Variants in FZD3 observed in about 807,000 individuals in gnomAD.
FZD3 encodes frizzled-3.
A neutral mutation model predicts 60.7 loss-of-function variants in FZD3; 30 were observed. The observed-to-expected ratio is 0.49, with a 90% CI of 0.37 to 0.67. The LOEUF is 0.67. FZD3 is among the 30% of genes least tolerant of loss of function. The pLI, the probability that FZD3 is intolerant of heterozygous loss-of-function variation, is 0.00. For missense variants in FZD3, 605 were observed against 838.7 expected (o/e 0.72, Z 3.44); for synonymous variants, 246 against 275.2 (o/e 0.89, Z 1.05).
intron 1 of FZD3, among the ~76,000 whole-genome samples, chr8:28,497,520 C>T (rs1803875157): frequency 6.6e-6 from 1 of 152,124 alleles, no homozygotes; most frequent in Admixed American, 6.5e-5. Context: ...GAAAACGTGT[C>T]TGAAAAAAGA....
chr8:28,534,845 A>G (rs1348033752), intron 5 of FZD3, among the ~76,000 whole-genome samples: 2 of 152,218 alleles, frequency 1.3e-5, no homozygotes, highest in Non-Finnish European at 2.9e-5. Context: ...TGAAGTAATA[A>G]CCACACATAC....
intron 4 of FZD3, among the ~76,000 whole-genome samples, chr8:28,521,683 C>G (rs1241900069): frequency 6.6e-6 from 1 of 152,156 alleles, no homozygotes; most frequent in Non-Finnish European, 1.5e-5. Flanking sequence ...TATACTCTTA[C>G]TACATGTATG....
intron 3 of FZD3, among the ~76,000 whole-genome samples, chr8:28,505,855 T>C (rs183664187): frequency 3.4e-4 from 52 of 152,346 alleles, no homozygotes; most frequent in African/African-American, 1.1e-3. Flanking sequence ...TGGGACATGT[T>C]TAAATAGATA....
At chr8:28,517,796 G>A (rs533363672) in intron 3 of FZD3, among the ~76,000 whole-genome samples, 2 of 151,798 alleles carry the variant, frequency 1.3e-5, no homozygotes, top group South Asian at 2.1e-4. Flanking sequence ...ATCTTTTATT[G>A]AAGATATTAG....
rs945780699 is a variant in FZD3 at position 28,569,250 on chromosome 8, A to T, written c.*6239A>T. On this transcript the variant is annotated 3_prime_UTR_variant, in exon 8 of 8. Transcript: ENST00000240093. Reference sequence around the variant, plus strand: ...CCTGGAGTCTAAAATTAAACAAAAAAATCTATTTTCTAAATTGGCAGGATT... The same window carrying T: ...CCTGGAGTCTAAAATTAAACAAAAATATCTATTTTCTAAATTGGCAGGATT... 1.3e-5 allele frequency: 2 copies of T among 151,726 alleles called. No homozygotes were observed. Among genetic ancestry groups the T allele is most frequent in the Non-Finnish European group, 2.9e-5 (2 of 67,926 alleles). 9.4% of individuals were successfully genotyped at this position (151,726 alleles called of 1,614,324 possible). A position where few individuals can be genotyped will look rare whatever the true frequency, so the allele number is the denominator to read the frequency against.
chr8:28,496,838 C>G (rs1040442383), intron 1 of FZD3, among the ~76,000 whole-genome samples: 44 of 152,138 alleles, frequency 2.9e-4, no homozygotes, highest in African/African-American at 1.0e-3. Flanking sequence ...ATCCTGGTCC[C>G]CAGATTTTAT....
At chr8:28,557,045 G>T (rs1805521548) in intron 7 of FZD3, among the ~76,000 whole-genome samples, 1 of 151,932 alleles carries the variant, frequency 6.6e-6, no homozygotes, top group Non-Finnish European at 1.5e-5. Context: ...AAGATATTTA[G>T]AAAGAAGAAA....
At chr8:28,549,605 AAG>A (rs1351678361) in intron 5 of FZD3, among the ~76,000 whole-genome samples, 1 of 152,114 alleles carries the variant, frequency 6.6e-6, no homozygotes, top group Admixed American at 6.5e-5. Context: ...TGGTTAAACT[AAG>A]AGTGGTGGCA....
intron 6 of FZD3, among the ~76,000 whole-genome samples, chr8:28,555,033 C>T (rs1805483223): frequency 6.6e-6 from 1 of 152,082 alleles, no homozygotes; most frequent in South Asian, 2.1e-4. Context: ...TCTACTTAGT[C>T]CTTTGATAGC....
At chr8:28,501,533 A>G (rs1427209164) in intron 2 of FZD3, among the ~76,000 whole-genome samples, 1 of 152,250 alleles carries the variant, frequency 6.6e-6, no homozygotes, top group Non-Finnish European at 1.5e-5. Context: ...CACAACAAAC[A>G]TAAGACTATC....
chr8:28,526,461 T>C (rs1804717599), intron 4 of FZD3, among the ~76,000 whole-genome samples: 1 of 152,172 alleles, frequency 6.6e-6, no homozygotes, highest in Non-Finnish European at 1.5e-5. Flanking sequence ...TTTTGTACCT[T>C]ATATAGATTT....
At chr8:28,560,555 G>C (rs1226070955) in intron 7 of FZD3, among the ~76,000 whole-genome samples, 1 of 151,962 alleles carries the variant, frequency 6.6e-6, no homozygotes, top group Admixed American at 6.5e-5. Context: ...TATATTATTT[G>C]AGTTTTTGTA....
chr8:28,526,421 G>A (rs1388821742), intron 4 of FZD3, among the ~76,000 whole-genome samples: 1 of 152,112 alleles, frequency 6.6e-6, no homozygotes, highest in Non-Finnish European at 1.5e-5. Flanking sequence ...TTCCCCTTAT[G>A]TAACTAATCT....
chr8:28,556,002 A>C (rs763687089), intron 7 of FZD3, 31 bp downstream of exon 7: 19 of 1,348,596 alleles, frequency 1.4e-5, no homozygotes, highest in Non-Finnish European at 2.0e-5. Flanking sequence ...AGTTTATTTC[A>C]TAAGCTGAAT....
At position 28,572,373 on chromosome 8, in the gene FZD3, A is replaced by C. The variant is rs778604798; in HGVS notation, c.*9362A>C. On this transcript the variant is annotated 3_prime_UTR_variant, in exon 8 of 8. Coordinates refer to ENST00000240093, the MANE Select transcript of FZD3 (RefSeq NM_017412.4). ...ACCCTATCAATATATCAGAGGCTTT[A>C]TGAAGGAGACTCTACAGATAACCAC... 2.6e-5 allele frequency: 4 copies of C among 152,200 alleles called. No individual in the cohort carries two copies. The highest frequency in any genetic ancestry group is 5.9e-5 in the Non-Finnish European group (4 of 68,028). The allele number at this position is 152,200 out of a possible 1,614,324, so 9.4% of individuals were successfully genotyped here.
chr8:28,532,113 A>G (rs764063864), intron 5 of FZD3, among the ~76,000 whole-genome samples: 4 of 152,192 alleles, frequency 2.6e-5, no homozygotes, highest in African/African-American at 9.6e-5. Flanking sequence ...TTCAATTGTA[A>G]TGCAACCTCT....
chr8:28,514,342 T>A (rs943683083), intron 3 of FZD3, among the ~76,000 whole-genome samples: 1 of 152,200 alleles, frequency 6.6e-6, no homozygotes, highest in Non-Finnish European at 1.5e-5. Flanking sequence ...GGCAATTTGC[T>A]TATTTGAAAA....
chr8:28,554,425 T>C (rs1318069933), intron 6 of FZD3, among the ~76,000 whole-genome samples: 2 of 152,202 alleles, frequency 1.3e-5, no homozygotes, highest in Admixed American at 6.5e-5. Flanking sequence ...GCTTGTTCTT[T>C]TTTCTGTCAT....
At position 28,543,577 on chromosome 8, in the gene FZD3, C is replaced by T. The variant is rs1235947545; in HGVS notation, c.1405-8026C>T. Among the ~76,000 whole-genome samples the T allele has an allele frequency of 3.9e-5, 6 of 152,066 alleles. 1 individual carries two copies. The highest frequency in any genetic ancestry group is 2.1e-4 in the South Asian group (1 of 4,818). ...TGTATTTTTGGTAGAGACGGTGTTT[C>T]GCCATGTTGGCCAGGCTGATCTCGA... On this transcript the variant is annotated intron_variant, in intron 5 of 7. Coordinates refer to ENST00000240093, the MANE Select transcript of FZD3 (RefSeq NM_017412.4).
Sources: gnomAD v4.1 joint callset for allele counts (sites outside exome capture counted in the v4.1 genomes callset) on GRCh38, gnomAD v4.1.1 for gene constraint, MANE v1.5 for transcripts, NCBI Gene and HGNC (gene_info 2026-07-23, HGNC 2026-07-21) for gene names.